The following WNK3 variants were observed in gnomAD, a reference collection of about 807,000 sequenced individuals.
WNK3 encodes the protein WNK lysine deficient protein kinase 3.
In WNK3, 18 loss-of-function variants were observed where a neutral mutation model predicts 116.7. The ratio of observed to expected loss-of-function variants is 0.15; its 90% CI spans 0.11 to 0.23. The LOEUF (loss-of-function observed/expected upper bound fraction) is 0.23. Ranked by LOEUF, WNK3 falls within the 10% of genes least tolerant of loss-of-function variation. WNK3 has a pLI of 1.00. For synonymous variants in WNK3, 404 were observed against 469.4 expected, an observed-to-expected ratio of 0.86 and a Z score of 1.80; for missense variants, 993 against 1,323.8, an observed-to-expected ratio of 0.75 and a Z score of 3.88.
In WNK3 at chrX:54,251,555, T is replaced by C. The variant is rs371759302; in HGVS notation, c.2500A>G (p.Thr834Ala). The C allele has an allele frequency of 2.5e-6, 3 of 1,209,136 alleles. No individual in the cohort carries two copies. The highest frequency in any genetic ancestry group is 1.8e-5 in the African/African-American group (1 of 57,136). The change falls in exon 14 of 24, where the codon ACT (threonine) becomes GCT (alanine). Residue 834 changes from threonine to alanine, a missense_variant. By Grantham distance (58) the Thr-to-Ala change is moderately conservative (BLOSUM62 0). Coordinates refer to ENST00000354646, the Ensembl canonical transcript of WNK3. ...ACCTGGCTACTGTTGGAGTCCACAGTAATAGAATCAACTCCAGTGGCTCTT... is the reference window on the plus strand; with the variant it reads ...ACCTGGCTACTGTTGGAGTCCACAGCAATAGAATCAACTCCAGTGGCTCTT...
At chrX:54,284,908 T>C (rs1016709154) in intron 10 of WNK3, among the ~76,000 whole-genome samples, 4 of 108,890 alleles carry the variant, frequency 3.7e-5, no homozygotes, top group Non-Finnish European at 7.6e-5. Flanking sequence ...AGGTGGAGGT[T>C]GCAGTGAGCC....
intron 22 of WNK3, among the ~76,000 whole-genome samples, chrX:54,213,029 C>A: frequency 9.0e-6 from 1 of 110,564 alleles, no homozygotes; most frequent in Non-Finnish European, 1.9e-5. Flanking sequence ...GGATGGAGTG[C>A]AGTGGTGCAA....
intron 22 of WNK3, among the ~76,000 whole-genome samples, chrX:54,204,601 A>C: frequency 8.9e-6 from 1 of 112,410 alleles, no homozygotes; most frequent in Admixed American, 9.5e-5. Context: ...CTGAGACACA[A>C]AAGTCAGTCT....
chrX:54,308,200 T>C, intron 4 of WNK3, 121 bp from the exon 5 acceptor site: 1 of 648,761 alleles, frequency 1.5e-6, no homozygotes, highest in Non-Finnish European at 2.2e-6. Context: ...CAAATTTCTT[T>C]TTTTTTTTTG....
chrX:54,347,619 C>T (rs1443835266), intron 1 of WNK3, among the ~76,000 whole-genome samples: 2 of 107,504 alleles, frequency 1.9e-5, no homozygotes, highest in Non-Finnish European at 3.8e-5. Flanking sequence ...CACTACACTC[C>T]AGCCTGGGTG....
intron 10 of WNK3, among the ~76,000 whole-genome samples, chrX:54,276,515 T>G (rs2147046383): frequency 9.0e-6 from 1 of 111,043 alleles, no homozygotes; most frequent in South Asian, 3.8e-4. Context: ...TTCAAAAATC[T>G]TCAACAAAGT....
chrX:54,277,390 T>C (rs1007731684), intron 10 of WNK3, among the ~76,000 whole-genome samples: 5 of 107,256 alleles, frequency 4.7e-5, no homozygotes, highest in African/African-American at 1.0e-4. Context: ...CAGGCTGGAG[T>C]GAGGTGGTAC....
chrX:54,351,979 C>T (rs1443117408), intron 1 of WNK3, among the ~76,000 whole-genome samples: 1 of 111,794 alleles, frequency 8.9e-6, no homozygotes, highest in Non-Finnish European at 1.9e-5. Flanking sequence ...AGAAACTTTG[C>T]AAATCACATA....
chrX:54,207,812 G>A (rs1182014833), intron 22 of WNK3, among the ~76,000 whole-genome samples: 1 of 110,384 alleles, frequency 9.1e-6, no homozygotes, highest in African/African-American at 3.3e-5. Flanking sequence ...CTGCACACCT[G>A]GCCAGCCCAT....
chrX:54,347,697 C>CACATATATATATATACAT (rs2069453990), intron 1 of WNK3, among the ~76,000 whole-genome samples: 1 of 96,656 alleles, frequency 1.0e-5, no homozygotes, highest in Admixed American at 1.1e-4. Flanking sequence ...TATATATACA[C>CACATATATATATATACAT]ATATATATAT....
chrX:54,216,077 GCAGCATGCTCGTTAAGAGTCATCACCA>G (rs1259541006), intron 22 of WNK3, among the ~76,000 whole-genome samples: 2 of 109,745 alleles, frequency 1.8e-5, no homozygotes, highest in Non-Finnish European at 3.8e-5. Context: ...ATGCTTGAAG[GCAGCATGCTCGTTAAGAGTCATCACCA>G]CTCCCTAATC....
At chrX:54,248,220 C>T (rs1207075111) in intron 17 of WNK3, among the ~76,000 whole-genome samples, 2 of 108,544 alleles carry the variant, frequency 1.8e-5, no homozygotes, top group South Asian at 8.3e-4. Flanking sequence ...AGCAAGACTC[C>T]GTCTAGGGTT....
At chrX:54,234,176 C>T (rs1421594728) in intron 20 of WNK3, among the ~76,000 whole-genome samples, 2 of 110,139 alleles carry the variant, frequency 1.8e-5, no homozygotes, top group African/African-American at 6.6e-5. Flanking sequence ...AAGTCTGAGA[C>T]CAGCCTGGGC....
In WNK3 at chrX:54,267,782, C is replaced by T. The variant is rs782033447; in HGVS notation, c.2038-8444G>A. On this transcript the variant is annotated intron_variant, in intron 10 of 23. Transcript: ENST00000354646. ...CTGCACTCCAGCTTGGGTAACAGAG[C>T]GAGACTCTCTCAAAAAAAGAGCAAC... Among the ~76,000 whole-genome samples, 5 of 109,678 alleles carry T rather than the reference C, an allele frequency of 4.6e-5. No individual in the cohort carries two copies. In the East Asian group the frequency reaches 1.2e-3, roughly 25 times the overall value.
chrX:54,234,002 T>A (rs2067934494), intron 20 of WNK3, among the ~76,000 whole-genome samples: 1 of 107,839 alleles, frequency 9.3e-6, no homozygotes, highest in African/African-American at 3.4e-5. Flanking sequence ...GTAATAGTAA[T>A]AAAAGAAAGA....
At chrX:54,237,385 A>C in exon 20 of WNK3, 1 of 1,208,845 alleles carries the variant, frequency 8.3e-7, no homozygotes, top group Non-Finnish European at 1.1e-6. Context: ...CTCATAAGAA[A>C]ACGAAGTTTT....
At chrX:54,240,706 C>A (rs2068013622) in intron 17 of WNK3, among the ~76,000 whole-genome samples, 1 of 111,213 alleles carries the variant, frequency 9.0e-6, no homozygotes, top group African/African-American at 3.3e-5. Flanking sequence ...CAGGAGAGAA[C>A]CCTGGCCAAC....
At chrX:54,355,440 G>A (rs1409162195) in intron 1 of WNK3, among the ~76,000 whole-genome samples, 3 of 111,045 alleles carry the variant, frequency 2.7e-5, no homozygotes, top group Non-Finnish European at 3.8e-5. Context: ...TTATGTACAA[G>A]GTATGATAGA....
chrX:54,246,021 C>T (rs1168482994), intron 17 of WNK3, among the ~76,000 whole-genome samples: 2 of 112,259 alleles, frequency 1.8e-5, no homozygotes, highest in African/African-American at 3.2e-5. Context: ...TTTTGCCTTT[C>T]TCTCATTACT....
Sources: allele counts gnomAD v4.1 joint callset (sites outside exome capture counted in the v4.1 genomes callset), GRCh38; gene constraint gnomAD v4.1.1; transcripts MANE v1.5; gene names NCBI Gene and HGNC (gene_info 2026-07-23, HGNC 2026-07-21).